IL1RAPL2: variants seen among roughly 807,000 people sequenced by gnomAD.
IL1RAPL2 encodes X-linked interleukin-1 receptor accessory protein-like 2.
In IL1RAPL2, 3 loss-of-function variants were observed where a neutral mutation model predicts 44.1. The observed-to-expected ratio is 0.07, with a 90% confidence interval of 0.03 to 0.18. The LOEUF is 0.18. Ranked by LOEUF, IL1RAPL2 falls within the 10% of genes least tolerant of loss-of-function variation. The probability of loss-of-function intolerance (pLI) is 1.00; values close to 1 mark genes in which losing one functional copy is unlikely to be tolerated. For missense variants in IL1RAPL2, 391 were observed against 496.4 expected (o/e 0.79, Z 2.02); for synonymous variants, 181 against 178.8 (o/e 1.01, Z -0.10).
chrX:105,033,171 T>C (rs182766358), intron 2 of IL1RAPL2, among the ~76,000 whole-genome samples: 1 of 111,845 alleles, frequency 8.9e-6, no homozygotes, highest in Admixed American at 9.5e-5. Context: ...GCTTGACTCT[T>C]TATCCAATTT....
intron 6 of IL1RAPL2, among the ~76,000 whole-genome samples, chrX:105,490,727 T>C (rs1354628215): frequency 8.9e-6 from 1 of 112,567 alleles, no homozygotes; most frequent in Non-Finnish European, 1.9e-5. Flanking sequence ...TATTGAGTTC[T>C]TACTGGATGC....
At chrX:105,277,818 TAGA>T (rs2034498094) in intron 5 of IL1RAPL2, among the ~76,000 whole-genome samples, 2 of 109,155 alleles carry the variant, frequency 1.8e-5, no homozygotes, top group Non-Finnish European at 3.8e-5. Context: ...CTTGGGGAAC[TAGA>T]AGAAAAAAAA....
At chrX:105,515,591 T>C (rs763151150) in intron 6 of IL1RAPL2, among the ~76,000 whole-genome samples, 1 of 111,885 alleles carries the variant, frequency 8.9e-6, no homozygotes, top group African/African-American at 3.2e-5. Context: ...GATAAGTGTT[T>C]TGGGAGCTCA....
At chrX:104,775,735 T>G (rs1932707960) in intron 2 of IL1RAPL2, among the ~76,000 whole-genome samples, 1 of 111,504 alleles carries the variant, frequency 9.0e-6, no homozygotes, top group Admixed American at 9.5e-5. Context: ...GAAGCACTTG[T>G]GTTTTGAAGG....
At chrX:104,971,837 G>A (rs1404529765) in intron 2 of IL1RAPL2, among the ~76,000 whole-genome samples, 1 of 111,178 alleles carries the variant, frequency 9.0e-6, no homozygotes, top group East Asian at 2.8e-4. Context: ...GGGGGTTATA[G>A]GCTATGAACC....
At chrX:104,669,480 A>G (rs1224763346) in intron 2 of IL1RAPL2, among the ~76,000 whole-genome samples, 2 of 110,472 alleles carry the variant, frequency 1.8e-5, no homozygotes, top group Non-Finnish European at 3.8e-5. Context: ...ACCACTCCAT[A>G]CGTTTCCAAA....
intron 6 of IL1RAPL2, among the ~76,000 whole-genome samples, chrX:105,700,052 A>G (rs7880905): frequency 0.01 from 1,126 of 111,690 alleles, 22 homozygotes; most frequent in African/African-American, 0.035. Flanking sequence ...CTGGCTGGCA[A>G]TTTCTTCCAC....
chrX:104,624,034 A>G (rs985066426), intron 1 of IL1RAPL2, among the ~76,000 whole-genome samples: 1 of 111,884 alleles, frequency 8.9e-6, no homozygotes, highest in African/African-American at 3.2e-5. Context: ...GATGTATTTC[A>G]TGTGTATCCA....
At chrX:104,881,930 A>G (rs1281562832) in intron 2 of IL1RAPL2, among the ~76,000 whole-genome samples, 1 of 112,093 alleles carries the variant, frequency 8.9e-6, no homozygotes. Flanking sequence ...AGTGAACTAA[A>G]AAAAGGAGAT....
Position 105,049,930 on chromosome X carries a change from C to T in IL1RAPL2, c.83-145545C>T, listed in dbSNP as rs1027167553. Among the ~76,000 whole-genome samples, 4 of 111,550 alleles carry T rather than the reference C, an allele frequency of 3.6e-5. No individual in the cohort carries two copies. The Admixed American group carries it at 3.8e-4, about 11-fold the overall frequency. On this transcript the variant is annotated intron_variant, in intron 2 of 10. Coordinates refer to ENST00000372582, the MANE Select transcript of IL1RAPL2 (RefSeq NM_017416.2). ...TTCTTAATTAAAAAAAAATAGTAAA[C>T]TAAATATCTGTTAAATTCTGAAACT...
intron 5 of IL1RAPL2, among the ~76,000 whole-genome samples, chrX:105,288,460 T>G (rs1278541852): frequency 1.8e-5 from 2 of 110,893 alleles, no homozygotes. Context: ...TTCCATTTAA[T>G]TCTTCAAGTT....
intron 2 of IL1RAPL2, among the ~76,000 whole-genome samples, chrX:104,953,942 C>G (rs1198765442): frequency 2.7e-5 from 3 of 111,411 alleles, no homozygotes; most frequent in Non-Finnish European, 5.6e-5. Flanking sequence ...GTGAATTGAA[C>G]AGTAGTGAGG....
chrX:105,293,493 C>G (rs1179853855), intron 5 of IL1RAPL2, among the ~76,000 whole-genome samples: 1 of 112,066 alleles, frequency 8.9e-6, no homozygotes, highest in Non-Finnish European at 1.9e-5. Context: ...CCAGCAGTGA[C>G]TGAGAATACC....
At chrX:105,103,120 T>C (rs754534480) in intron 2 of IL1RAPL2, among the ~76,000 whole-genome samples, 1 of 111,586 alleles carries the variant, frequency 9.0e-6, no homozygotes, top group South Asian at 3.8e-4. Context: ...ACTCAGTAAA[T>C]AGTTTTAACT....
At chrX:104,857,958 A>G (rs763464791) in intron 2 of IL1RAPL2, among the ~76,000 whole-genome samples, 2 of 111,424 alleles carry the variant, frequency 1.8e-5, no homozygotes, top group South Asian at 3.8e-4. Flanking sequence ...CAGGTACACT[A>G]TATTTAGAAT....
intron 6 of IL1RAPL2, among the ~76,000 whole-genome samples, chrX:105,629,213 G>A (rs1005273053): frequency 1.8e-5 from 2 of 111,464 alleles, no homozygotes; most frequent in African/African-American, 6.5e-5. Flanking sequence ...GAAGCAGTAG[G>A]TTCCCTGTTG....
In IL1RAPL2 at chrX:105,766,015, G is replaced by T. The variant is rs147656402; in HGVS notation, c.1364-949G>T. Among the ~76,000 whole-genome samples, 635 of 112,518 alleles carry T rather than the reference G, an allele frequency of 5.6e-3. 3 individuals carry two copies. Among genetic ancestry groups the T allele is most frequent in the African/African-American group, 0.02 (611 of 30,981 alleles). Reference sequence around the variant, plus strand: ...TCTAAGTCTCCATTTGTTAACACATGTGTGTGTTTCCCTTTTTGGCAGATA... The same window carrying T: ...TCTAAGTCTCCATTTGTTAACACATTTGTGTGTTTCCCTTTTTGGCAGATA... On this transcript the variant is annotated intron_variant, in intron 10 of 10. Transcript: ENST00000372582.
At chrX:105,463,951 C>T (rs2036111101) in intron 5 of IL1RAPL2, among the ~76,000 whole-genome samples, 1 of 112,062 alleles carries the variant, frequency 8.9e-6, no homozygotes, top group Admixed American at 9.5e-5. Flanking sequence ...TAACCTTTTG[C>T]CAAAACTTGT....
chrX:104,585,394 A>AAT (rs1275989949), intron 1 of IL1RAPL2, among the ~76,000 whole-genome samples: 7 of 23,606 alleles, frequency 3.0e-4, no homozygotes, highest in Non-Finnish European at 4.1e-4. Flanking sequence ...TATTATATAT[A>AAT]ATATATAATA....
Sources: allele counts gnomAD v4.1 joint callset (sites outside exome capture counted in the v4.1 genomes callset), GRCh38; gene constraint gnomAD v4.1.1; transcripts MANE v1.5; gene names NCBI Gene and HGNC (gene_info 2026-07-23, HGNC 2026-07-21).